MZT2A: variants seen among roughly 807,000 people sequenced by gnomAD.
MZT2A encodes mitotic spindle organizing protein 2A, also known as mitotic-spindle organizing protein 2A.
A neutral mutation model predicts 12.4 loss-of-function variants in MZT2A; 8 were observed. The observed-to-expected ratio is 0.64, with a 90% CI of 0.38 to 1.16. MZT2A has a LOEUF of 1.16. Ranked by LOEUF, MZT2A falls within the 50% of genes most tolerant of loss-of-function variation. The pLI is 0.01. For synonymous variants in MZT2A, 88 were observed against 107.5 expected (o/e 0.82, Z 1.12); for missense variants, 181 against 223.6 (o/e 0.81, Z 1.22).
chr2:131,489,046 C>T (rs1200373401), intron 2 of MZT2A, among the ~76,000 whole-genome samples: 28 of 152,040 alleles, frequency 1.8e-4, no homozygotes, highest in Middle Eastern at 3.2e-3. Context: ...ACCTGGACAG[C>T]GCTCTGCCTC....
intron 2 of MZT2A, among the ~76,000 whole-genome samples, chr2:131,486,747 T>TC (rs1372536496): frequency 2.8e-4 from 42 of 151,978 alleles, no homozygotes; most frequent in East Asian, 1.2e-3. Flanking sequence ...TGCCTCAGCC[T>TC]CGATGTAGCT....
downstream of MZT2A, among the ~76,000 whole-genome samples, chr2:131,481,941 G>A (rs1318180043): frequency 3.3e-5 from 5 of 152,226 alleles, no homozygotes; most frequent in East Asian, 9.6e-4. Flanking sequence ...AGGACCTCAG[G>A]TCATGTTATG....
chr2:131,490,405 C>T lies in MZT2A; in HGVS notation c.319+1471G>A, dbSNP rs1573875688. 5.8e-6 allele frequency: 7 copies of T among 1,213,840 alleles called. No individual in the cohort carries two copies. The East Asian group carries it at 2.1e-4, about 36-fold the overall frequency. 75.2% of individuals were successfully genotyped at this position (1,213,840 alleles called of 1,614,324 possible). On this transcript the variant is annotated intron_variant, in intron 2 of 2. Coordinates refer to ENST00000309451, the MANE Select transcript of MZT2A (RefSeq NM_001085365.2). ...TGGGGCTGTGCTCTCCAGCAGAGCA[C>T]ACTGCACCCGGCTGGCTGTCTTCCC...
At chr2:131,480,109 A>T, downstream of MZT2A, 2 of 1,609,894 alleles carry the variant, frequency 1.2e-6, no homozygotes, top group South Asian at 2.2e-5. Context: ...CTCATCTTCC[A>T]CAGCTTTGGG....
intron 2 of MZT2A, chr2:131,490,772 A>G: frequency 2.6e-6 from 4 of 1,549,910 alleles, no homozygotes; most frequent in Non-Finnish European, 3.5e-6. Flanking sequence ...GCCTGGAGAG[A>G]GAGGTGAGTG....
chr2:131,476,955 C>T (rs929841350), intron 2 of MZT2A, among the ~76,000 whole-genome samples: 1 of 144,024 alleles, frequency 6.9e-6, no homozygotes, highest in Admixed American at 6.7e-5. Flanking sequence ...AAAAAGCAGC[C>T]CATTAACATA....
intron 4 of MZT2A, chr2:131,469,808 C>CCCCACCTTTT (rs1390873773): frequency 1.5e-5 from 2 of 131,494 alleles, no homozygotes; most frequent in African/African-American, 7.8e-5. Context: ...TCCTCCCCCC[C>CCCCACCTTTT]TTTTTTTTTT....
intron 2 of MZT2A, chr2:131,491,654 C>G: frequency 2.5e-6 from 2 of 808,196 alleles, no homozygotes; most frequent in Non-Finnish European, 3.8e-6. Flanking sequence ...CCTGGACCAC[C>G]CTGGGGCACG....
chr2:131,485,023 G>T lies in MZT2A; in HGVS notation c.320-805C>A, dbSNP rs190318739. The stretch of plus-strand genomic sequence containing the variant: ...TTTCCCTGGGCTCAGGGTGTTGACA[G>T]CATCGGCAAGACTGAGAGGACCCTC... On this transcript the variant is annotated intron_variant, in intron 2 of 2. Transcript: ENST00000309451. Among the ~76,000 whole-genome samples the T allele has an allele frequency of 3.4e-3, 521 of 152,328 alleles. 2 individuals carry two copies. The highest frequency in any genetic ancestry group is 5.5e-3 in the Non-Finnish European group (377 of 68,032).
At chr2:131,489,003 C>G (rs1242632527) in intron 2 of MZT2A, among the ~76,000 whole-genome samples, 2 of 151,600 alleles carry the variant, frequency 1.3e-5, no homozygotes, top group African/African-American at 2.4e-5. Flanking sequence ...CTGTGCCCCC[C>G]CACCTGCCTC....
chr2:131,483,929 T>G (rs902556533), downstream of MZT2A: 1 of 1,300,908 alleles, frequency 7.7e-7, no homozygotes, highest in Non-Finnish European at 9.9e-7. Flanking sequence ...TGCCTTAATA[T>G]AAAAAAAAAA....
chr2:131,492,454 G>T, upstream of MZT2A: 1 of 1,178,990 alleles, frequency 8.5e-7, no homozygotes, highest in Non-Finnish European at 1.0e-6. Flanking sequence ...TCCCTGCAGC[G>T]CCAGCGTCTG....
In MZT2A at chr2:131,490,584, G is replaced by A. The variant is rs762626680; in HGVS notation, c.319+1292C>T. ...CAGAAATAGTGCCCTGTGGCTAAGC[G>A]GCAGGGCAGCGGTGGCCTGCATGAT... On this transcript the variant is annotated intron_variant, in intron 2 of 2. Transcript: ENST00000309451. 1.4e-4 allele frequency: 208 copies of A among 1,534,694 alleles called. 1 individual carries two copies. The highest frequency in any genetic ancestry group is 6.1e-4 in the East Asian group (25 of 40,738).
At chr2:131,479,566 G>A (rs1187297436), downstream of MZT2A, 16 of 1,552,274 alleles carry the variant, frequency 1.0e-5, no homozygotes, top group South Asian at 1.2e-5. Context: ...TTGGCCGGGC[G>A]CGGTGGCTCA....
chr2:131,488,632 G>A (rs1020052635), intron 2 of MZT2A, among the ~76,000 whole-genome samples: 3 of 152,056 alleles, frequency 2.0e-5, no homozygotes, highest in African/African-American at 4.8e-5. Flanking sequence ...TGTGTGGTCA[G>A]AAGCTGTAAT....
intron 2 of MZT2A, among the ~76,000 whole-genome samples, chr2:131,489,082 TCA>T (rs1465537779): frequency 6.6e-6 from 1 of 152,176 alleles, no homozygotes; most frequent in African/African-American, 2.4e-5. Flanking sequence ...CTGCCCCAGC[TCA>T]CACGTGTGGG....
At chr2:131,490,814 G>A (rs1023517587) in intron 2 of MZT2A, 2 of 1,550,004 alleles carry the variant, frequency 1.3e-6, no homozygotes, top group East Asian at 2.4e-5. Context: ...CATAACCAGA[G>A]AGGCCGCAGG....
downstream of MZT2A, chr2:131,480,122 C>A (rs754725908): frequency 2.4e-5 from 38 of 1,612,328 alleles, no homozygotes; most frequent in Non-Finnish European, 2.9e-5. Flanking sequence ...GCTTTGGGGG[C>A]GGCACTGGCT....
At chr2:131,483,263 C>T (rs1193807219), downstream of MZT2A, among the ~76,000 whole-genome samples, 1 of 152,092 alleles carries the variant, frequency 6.6e-6, no homozygotes, top group African/African-American at 2.4e-5. Context: ...GTGGATGGGG[C>T]TTGTCCATGA....
Sources: allele counts gnomAD v4.1 joint callset (sites outside exome capture counted in the v4.1 genomes callset), GRCh38; gene constraint gnomAD v4.1.1; transcripts MANE v1.5; gene names NCBI Gene and HGNC (gene_info 2026-07-23, HGNC 2026-07-21).